GLI3: variants seen among roughly 807,000 people sequenced by gnomAD.
The protein encoded by GLI3 is transcription activator GLI3.
A neutral mutation model predicts 100.8 loss-of-function variants in GLI3; 20 were observed. The ratio of observed to expected loss-of-function variants is 0.20; its 90% CI spans 0.14 to 0.29. The LOEUF (loss-of-function observed/expected upper bound fraction) is 0.29, where lower values mean the gene tolerates loss of function less well. Ranked by LOEUF, GLI3 falls within the 10% of genes least tolerant of loss-of-function variation. The pLI is 1.00. For missense variants in GLI3, 2,040 were observed against 2,128.5 expected (o/e 0.96, Z 0.82); for synonymous variants, 938 against 860.5 (o/e 1.09, Z -1.58).
chr7:42,031,725 T>C (rs2128734849), intron 7 of GLI3, among the ~76,000 whole-genome samples: 1 of 152,338 alleles, frequency 6.6e-6, no homozygotes, highest in African/African-American at 2.4e-5. Context: ...AGGTGTATGG[T>C]CACTGGATTG....
intron 3 of GLI3, among the ~76,000 whole-genome samples, chr7:42,108,533 C>A (rs924248283): frequency 4.6e-5 from 7 of 152,138 alleles, no homozygotes; most frequent in Admixed American, 2.6e-4. Context: ...TCAAGTTTAG[C>A]CCCTTATTTC....
intron 2 of GLI3, among the ~76,000 whole-genome samples, chr7:42,163,414 C>A (rs1202659059): frequency 6.6e-6 from 1 of 151,746 alleles, no homozygotes; most frequent in African/African-American, 2.4e-5. Flanking sequence ...ATCTAATGAA[C>A]CATCTCTATT....
At chr7:42,098,902 G>A (rs1004369108) in intron 3 of GLI3, among the ~76,000 whole-genome samples, 4 of 152,280 alleles carry the variant, frequency 2.6e-5, no homozygotes, top group Admixed American at 2.0e-4. Flanking sequence ...TTTTGAGGCT[G>A]AAATACATAA....
chr7:41,972,294 A>T lies in GLI3; in HGVS notation c.2103+43T>A, dbSNP rs200436708. The T allele has an allele frequency of 6.5e-5, 103 of 1,589,426 alleles. No homozygotes were observed. In the East Asian group the frequency reaches 2.3e-3, roughly 35 times the overall value. ...TCTATGCACCCTACCTGGCTCTTTT[A>T]AATGGGCCTGCTGTGAAGTCAGAAG... On this transcript the variant is annotated intron_variant, in intron 13 of 14. Transcript: ENST00000395925. This position sits in a 1 kb window ranked among gnomAD's most constrained non-coding sequence, Gnocchi z 4.4.
chr7:42,231,058 C>A (rs899042621), intron 1 of GLI3, among the ~76,000 whole-genome samples: 2 of 152,272 alleles, frequency 1.3e-5, no homozygotes, highest in South Asian at 4.2e-4. Flanking sequence ...GAAGAAAAAA[C>A]TTTAATTATT....
chr7:42,024,859 A>T (rs1420843695), intron 9 of GLI3, among the ~76,000 whole-genome samples: 1 of 152,224 alleles, frequency 6.6e-6, no homozygotes, highest in East Asian at 1.9e-4. Context: ...AGCCATCAGT[A>T]GATCCGCCAC....
intron 1 of GLI3, among the ~76,000 whole-genome samples, chr7:42,224,820 C>T (rs1418274157): frequency 1.3e-5 from 2 of 152,308 alleles, no homozygotes; most frequent in South Asian, 4.1e-4. Context: ...AGTGCACAAC[C>T]GCCAACAACC....
chr7:42,142,903 C>A (rs1024421902), intron 3 of GLI3, among the ~76,000 whole-genome samples: 1 of 133,846 alleles, frequency 7.5e-6, no homozygotes, highest in African/African-American at 2.9e-5. Flanking sequence ...TGCGCCACTG[C>A]ACAGCCTGGG....
chr7:42,050,923 T>G (rs1784339740), intron 4 of GLI3, among the ~76,000 whole-genome samples: 1 of 152,148 alleles, frequency 6.6e-6, no homozygotes, highest in South Asian at 2.1e-4. Flanking sequence ...AACACAAAAA[T>G]TATAGCGGCC....
upstream of GLI3, among the ~76,000 whole-genome samples, chr7:42,237,234 C>T (rs1485367097): frequency 1.3e-5 from 2 of 151,384 alleles, no homozygotes; most frequent in African/African-American, 2.4e-5. Flanking sequence ...GGCGCTGCCC[C>T]TGCCCGCTCC....
chr7:42,092,811 TTATG>T (rs1413752362), intron 3 of GLI3, among the ~76,000 whole-genome samples: 3,239 of 147,096 alleles, frequency 0.022, 45 homozygotes, highest in African/African-American at 0.029. Flanking sequence ...ATTTATTTAT[TTATG>T]TATTTATGTA....
chr7:42,077,581 G>A (rs566499002), intron 3 of GLI3, among the ~76,000 whole-genome samples: 5 of 151,876 alleles, frequency 3.3e-5, no homozygotes, highest in Non-Finnish European at 5.9e-5. Context: ...CATTCACCTT[G>A]GACCCAGGCC....
At chr7:42,232,423 G>A (rs950450942) in intron 1 of GLI3, among the ~76,000 whole-genome samples, 2 of 152,216 alleles carry the variant, frequency 1.3e-5, no homozygotes, top group African/African-American at 4.8e-5. Context: ...AGCTATAATG[G>A]TGTGAAGAAG....
chr7:41,987,101 G>GACACAGACACAGAC (rs1554308382), intron 10 of GLI3, among the ~76,000 whole-genome samples: 1 of 140,614 alleles, frequency 7.1e-6, no homozygotes, highest in Admixed American at 7.2e-5. Context: ...CACAGACACA[G>GACACAGACACAGAC]ACACACACAC....
chr7:42,201,516 A>C (rs1788039620), intron 2 of GLI3, among the ~76,000 whole-genome samples: 2 of 152,278 alleles, frequency 1.3e-5, no homozygotes, highest in Admixed American at 1.3e-4. Flanking sequence ...GCGCAAAGAA[A>C]CCAGAAGTCA....
chr7:42,161,941 G>T (rs1787138839), intron 2 of GLI3, among the ~76,000 whole-genome samples: 2 of 152,152 alleles, frequency 1.3e-5, no homozygotes, highest in South Asian at 4.1e-4. Context: ...AACCAGCCCA[G>T]GTTGGTTCTT....
At chr7:42,149,108 G>A (rs1786793565) in intron 2 of GLI3, among the ~76,000 whole-genome samples, 2 of 152,228 alleles carry the variant, frequency 1.3e-5, no homozygotes, top group African/African-American at 4.8e-5. Context: ...TGCCAATCAT[G>A]AAAACCTACA....
chr7:42,238,500 G>A (rs1256914872), upstream of GLI3, among the ~76,000 whole-genome samples: 1 of 152,182 alleles, frequency 6.6e-6, no homozygotes, highest in African/African-American at 2.4e-5. Flanking sequence ...CGCGAAGCGA[G>A]GAGGAGCTCC....
intron 2 of GLI3, among the ~76,000 whole-genome samples, chr7:42,185,585 T>C (rs917360189): frequency 1.3e-5 from 2 of 152,196 alleles, no homozygotes; most frequent in African/African-American, 4.8e-5. Flanking sequence ...AGTACAAATA[T>C]CCAGATGCTT....
Sources: allele counts gnomAD v4.1 joint callset (sites outside exome capture counted in the v4.1 genomes callset), GRCh38; gene constraint gnomAD v4.1.1; non-coding constraint Gnocchi (gnomAD v3.1); transcripts MANE v1.5; gene names NCBI Gene and HGNC (gene_info 2026-07-23, HGNC 2026-07-21).